RAD23B: variants seen among roughly 807,000 people sequenced by gnomAD.
RAD23B encodes lysine-specific demethylase RAD23B.
Under a neutral mutation model 49.1 loss-of-function variants are expected in RAD23B, and 5 were observed. The observed-to-expected ratio is 0.10, with a 90% CI of 0.05 to 0.21. The LOEUF (loss-of-function observed/expected upper bound fraction) is 0.21. RAD23B is among the 10% of genes least tolerant of loss of function. The probability of loss-of-function intolerance (pLI) is 1.00; values close to 1 mark genes in which losing one functional copy is unlikely to be tolerated. For missense variants in RAD23B, 356 were observed against 486.7 expected (o/e 0.73, Z 2.53); for synonymous variants, 184 against 165.4 (o/e 1.11, Z -0.86).
intron 1 of RAD23B, among the ~76,000 whole-genome samples, 159 bp downstream of exon 1, chr9:107,283,854 G>T (rs1198864610): frequency 6.6e-6 from 1 of 152,192 alleles, no homozygotes; most frequent in Non-Finnish European, 1.5e-5. Context: ...CAGCGGAGCC[G>T]ATCCTCCTGT....
At chr9:107,288,531 C>T (rs781240431) in intron 1 of RAD23B, among the ~76,000 whole-genome samples, 6 of 152,226 alleles carry the variant, frequency 3.9e-5, no homozygotes, top group East Asian at 1.9e-4. Flanking sequence ...CTGCAGCCTT[C>T]GCCTCTGGGG....
intron 1 of RAD23B, chr9:107,285,003 T>C (rs1289229765): frequency 1.7e-5 from 21 of 1,237,930 alleles, no homozygotes; most frequent in Admixed American, 8.6e-5. Flanking sequence ...GTTTTACTTA[T>C]CTCATTTAAT....
chr9:107,319,133 T>TTC (rs1554743452), intron 6 of RAD23B, among the ~76,000 whole-genome samples: 4 of 116,826 alleles, frequency 3.4e-5, no homozygotes, highest in Admixed American at 8.1e-5. Context: ...TTTTTCTTTT[T>TTC]TTTTTTTTTT....
At chr9:107,308,477 C>T (rs1826828136) in intron 4 of RAD23B, among the ~76,000 whole-genome samples, 1 of 152,186 alleles carries the variant, frequency 6.6e-6, no homozygotes, top group African/African-American at 2.4e-5. Flanking sequence ...CCTCGGCCTC[C>T]CAAAGTGCTG....
At chr9:107,293,682 T>C (rs1405500456) in intron 1 of RAD23B, among the ~76,000 whole-genome samples, 2 of 152,228 alleles carry the variant, frequency 1.3e-5, no homozygotes, top group African/African-American at 4.8e-5. Context: ...CAAAGTGCTG[T>C]GTAAGAAGAT....
chr9:107,324,908 A>G lies in RAD23B; in HGVS notation c.1020A>G (p.Gly340=). Residue 340 remains glycine, a synonymous_variant, in exon 9 of 10, where the codon GGA becomes GGG. Coordinates refer to ENST00000358015, the MANE Select transcript of RAD23B (RefSeq NM_002874.5). The stretch of plus-strand genomic sequence containing the variant: ...TTCAAGAAGCTGGTGGTCAAGGAGG[A>G]GGAGGTGGAGGTGGCAGTGGAGGAA... ...EPVQEAGGQG[G]GGGGGSGGIA... is the part of the protein sequence containing the mutation. 6.2e-7 allele frequency: 1 copy of G among 1,613,720 alleles called. No individual in the cohort carries two copies. The highest frequency in any genetic ancestry group is 8.5e-7 in the Non-Finnish European group (1 of 1,179,926).
Position 107,321,993 on chromosome 9 carries a change from G to A in RAD23B, c.692G>A (p.Gly231Glu), listed in dbSNP as rs1012270808. The change falls in exon 7 of 10, where the codon GGA becomes GAA. Residue 231 changes from glycine to glutamate, a missense_variant. By Grantham distance (98) the Gly-to-Glu change is moderately conservative (BLOSUM62 -2). Coordinates refer to ENST00000358015, the MANE Select transcript of RAD23B (RefSeq NM_002874.5). ...GAAATTCTATTACAGGGAATCCCTG[G>A]AGATAGAGAAAGTCAGGCTGTGGTT... is the stretch of plus-strand genomic sequence containing the variant. ...AVEYLLMGIP[G>E]DRESQAVVDP... is the part of the protein sequence containing the mutation. The A allele has an allele frequency of 5.0e-6, 8 of 1,609,648 alleles. No homozygotes were observed. The highest frequency in any genetic ancestry group is 1.3e-5 in the African/African-American group (1 of 74,726).
intron 9 of RAD23B, among the ~76,000 whole-genome samples, chr9:107,328,646 A>G (rs1827253522): frequency 6.6e-6 from 1 of 152,154 alleles, no homozygotes; most frequent in African/African-American, 2.4e-5. Flanking sequence ...TTGTTCGCCC[A>G]CTGCTCACCT....
chr9:107,294,511 GC>G (rs1348526819), intron 1 of RAD23B, among the ~76,000 whole-genome samples: 1 of 152,196 alleles, frequency 6.6e-6, no homozygotes, highest in Non-Finnish European at 1.5e-5. Flanking sequence ...CTGTTGGTGG[GC>G]CATATCCTTT....
At position 107,311,723 on chromosome 9, in the gene RAD23B, C is replaced by T; in HGVS notation, c.539C>T (p.Ala180Val). ...DSSRSNLFED[A>V]TSALVTGQSY... is the part of the protein sequence containing the mutation. Reference sequence around the variant, plus strand: ...TCTCGGTCAAACCTTTTTGAAGATGCAACGAGTGCACTTGGTAAGTATCTG... The same window carrying T: ...TCTCGGTCAAACCTTTTTGAAGATGTAACGAGTGCACTTGGTAAGTATCTG... Residue 180 changes from alanine to valine, a missense_variant, in exon 5 of 10, where the codon GCA becomes GTA. This residue lies in a region of RAD23B where 148 missense variants were observed against 231.7 expected (regional missense o/e 0.64). Transcript: ENST00000358015. 1 of 1,569,324 alleles carries T rather than the reference C, an allele frequency of 6.4e-7. No individual in the cohort carries two copies. Among genetic ancestry groups the T allele is most frequent in the South Asian group, 1.2e-5 (1 of 82,374 alleles).
chr9:107,327,959 A>G (rs1022015185), intron 9 of RAD23B, among the ~76,000 whole-genome samples: 1 of 152,064 alleles, frequency 6.6e-6, no homozygotes, highest in African/African-American at 2.4e-5. Flanking sequence ...TATAGTAACA[A>G]TTTTTATCTT....
chr9:107,311,878 C>T (rs1826896055), intron 5 of RAD23B, 141 bp downstream of exon 5: 5 of 638,322 alleles, frequency 7.8e-6, no homozygotes, highest in Non-Finnish European at 1.3e-5. Flanking sequence ...GGTAATTATT[C>T]AATTAATAGT....
At chr9:107,307,037 A>G (rs998278406) in intron 4 of RAD23B, among the ~76,000 whole-genome samples, 2 of 152,170 alleles carry the variant, frequency 1.3e-5, no homozygotes, top group Non-Finnish European at 2.9e-5. Flanking sequence ...TCATTGTCAT[A>G]TATATCATAA....
chr9:107,295,751 T>G (rs1826502393), intron 1 of RAD23B, among the ~76,000 whole-genome samples: 1 of 152,162 alleles, frequency 6.6e-6, no homozygotes, highest in African/African-American at 2.4e-5. Context: ...GTCTCTTAGG[T>G]AAAAGTTGAG....
chr9:107,289,200 T>A (rs1833337764), intron 1 of RAD23B, among the ~76,000 whole-genome samples: 1 of 150,314 alleles, frequency 6.7e-6, no homozygotes. Flanking sequence ...TTCCCTTCCT[T>A]TTTCAACAAG....
chr9:107,284,161 G>T (rs76682169), intron 1 of RAD23B: 3 of 987,222 alleles, frequency 3.0e-6, no homozygotes, highest in African/African-American at 3.5e-5. Flanking sequence ...AAAAAAAAAA[G>T]TATCAGGTTC....
intron 4 of RAD23B, among the ~76,000 whole-genome samples, chr9:107,309,095 G>C (rs1462069458): frequency 6.6e-6 from 1 of 152,174 alleles, no homozygotes; most frequent in Non-Finnish European, 1.5e-5. Context: ...TTGACCTGTG[G>C]TTTATTCGTA....
chr9:107,285,833 G>A (rs911675174), intron 1 of RAD23B, among the ~76,000 whole-genome samples: 19 of 152,170 alleles, frequency 1.2e-4, no homozygotes, highest in African/African-American at 4.6e-4. Context: ...TTAATGACTT[G>A]TCAGTTTTTA....
At chr9:107,284,280 C>T in intron 1 of RAD23B, 12 of 947,374 alleles carry the variant, frequency 1.3e-5, no homozygotes, top group Non-Finnish European at 1.4e-5. Flanking sequence ...TTCCTCCCGC[C>T]ACCAAACCCA....
Sources: allele counts gnomAD v4.1 joint callset (sites outside exome capture counted in the v4.1 genomes callset), GRCh38; gene constraint gnomAD v4.1.1; regional missense constraint gnomAD v4.1.1; transcripts MANE v1.5; gene names NCBI Gene and HGNC (gene_info 2026-07-23, HGNC 2026-07-21).